DENND1A: variants seen among roughly 807,000 people sequenced by gnomAD.
The protein encoded by DENND1A is DENN domain containing 1A.
In DENND1A, 51 loss-of-function variants were observed where a neutral mutation model predicts 113.7. The observed-to-expected ratio is 0.45, with a 90% confidence interval of 0.36 to 0.57. The LOEUF (loss-of-function observed/expected upper bound fraction) is 0.57, where lower values mean the gene tolerates loss of function less well. Among genes scored for constraint, DENND1A ranks in the 20% least tolerant of loss-of-function variants. The pLI is 0.00. For missense variants in DENND1A, 1,258 were observed against 1,395.9 expected, an observed-to-expected ratio of 0.90 and a Z score of 1.57; for synonymous variants, 565 against 570.8, an observed-to-expected ratio of 0.99 and a Z score of 0.14.
At chr9:123,411,988 G>A (rs1484456568) in intron 19 of DENND1A, among the ~76,000 whole-genome samples, 159 bp from the exon 20 acceptor site, 4 of 152,132 alleles carry the variant, frequency 2.6e-5, no homozygotes, top group Admixed American at 2.0e-4. Flanking sequence ...TTTTGAGGCC[G>A]TCTCCTCTGC....
Position 123,707,170 on chromosome 9 carries a change from G to A in DENND1A, c.303-30381C>T, listed in dbSNP as rs146797261. On this transcript the variant is annotated intron_variant, in intron 5 of 23. Coordinates refer to ENST00000394215, the MANE Select transcript of DENND1A (RefSeq NM_001352964.2). ...AGCACTTTGGGAGGCCAAGGCAGGC[G>A]GATCACCTGATATCAGGAGTTTGAG... 3.0e-3 allele frequency among the ~76,000 whole-genome samples: 461 copies of A among 152,270 alleles called. 2 individuals carry two copies. The highest frequency in any genetic ancestry group is 9.1e-3 in the African/African-American group (377 of 41,550).
chr9:123,443,680 T>C (rs1200613861), intron 18 of DENND1A, among the ~76,000 whole-genome samples: 1 of 152,144 alleles, frequency 6.6e-6, no homozygotes, highest in Non-Finnish European at 1.5e-5. Context: ...AGAGGCTGGG[T>C]GTGGAGGCTC....
intron 4 of DENND1A, among the ~76,000 whole-genome samples, 154 bp from the exon 5 acceptor site, chr9:123,757,976 TA>T (rs557446216): frequency 0.21 from 26,319 of 122,968 alleles, 2,436 homozygotes; most frequent in Admixed American, 0.23. Flanking sequence ...GTAAGCTAGT[TA>T]AAAAAAAAAA....
At chr9:123,498,228 A>C (rs1408642707) in intron 13 of DENND1A, among the ~76,000 whole-genome samples, 1 of 152,258 alleles carries the variant, frequency 6.6e-6, no homozygotes, top group Non-Finnish European at 1.5e-5. Flanking sequence ...TATTATGTGC[A>C]CTTGGTACAG....
intron 1 of DENND1A, among the ~76,000 whole-genome samples, chr9:123,908,668 G>C (rs1853369641): frequency 1.3e-5 from 2 of 151,404 alleles, no homozygotes; most frequent in Admixed American, 1.3e-4. Context: ...ACACCAGTTA[G>C]AATGGCAATC....
intron 2 of DENND1A, among the ~76,000 whole-genome samples, chr9:123,854,577 C>T (rs995691149): frequency 2.6e-5 from 4 of 151,798 alleles, no homozygotes; most frequent in Non-Finnish European, 5.9e-5. Context: ...CACCTGTAGT[C>T]CCAGCTACTC....
At chr9:123,849,697 T>C (rs1843070849) in intron 2 of DENND1A, among the ~76,000 whole-genome samples, 1 of 152,218 alleles carries the variant, frequency 6.6e-6, no homozygotes, top group Non-Finnish European at 1.5e-5. Flanking sequence ...ATTCCTCTGA[T>C]GGGTTTGGGC....
intron 15 of DENND1A, among the ~76,000 whole-genome samples, chr9:123,455,808 C>G (rs2048074839): frequency 6.6e-6 from 1 of 152,218 alleles, no homozygotes. Flanking sequence ...GCCTTTCTTC[C>G]TGGAACTCAC....
intron 3 of DENND1A, among the ~76,000 whole-genome samples, chr9:123,782,251 G>A (rs1831433053): frequency 6.6e-6 from 1 of 152,112 alleles, no homozygotes; most frequent in Non-Finnish European, 1.5e-5. Flanking sequence ...GGTTGGAAGA[G>A]TGCTCTGATA....
intron 3 of DENND1A, among the ~76,000 whole-genome samples, chr9:123,787,444 A>G (rs1257567948): frequency 6.6e-6 from 1 of 152,192 alleles, no homozygotes; most frequent in Non-Finnish European, 1.5e-5. Context: ...AGAACAAGGC[A>G]ATCTTCAACA....
intron 13 of DENND1A, among the ~76,000 whole-genome samples, chr9:123,501,944 T>C (rs1055411186): frequency 6.6e-6 from 1 of 152,192 alleles, no homozygotes; most frequent in Non-Finnish European, 1.5e-5. Flanking sequence ...TCGTGGGACC[T>C]TGTGATAGTG....
At chr9:123,754,562 T>C (rs2070362490) in intron 5 of DENND1A, among the ~76,000 whole-genome samples, 1 of 152,120 alleles carries the variant, frequency 6.6e-6, no homozygotes, top group South Asian at 2.1e-4. Flanking sequence ...GATCATTCTG[T>C]GTATTAGATA....
chr9:123,841,595 A>G lies in DENND1A; in HGVS notation c.88+37356T>C, dbSNP rs548986200. Among the ~76,000 whole-genome samples the G allele has an allele frequency of 3.3e-5, 5 of 152,304 alleles. No individual in the cohort carries two copies. The East Asian group carries it at 5.8e-4, about 18-fold the overall frequency. On this transcript the variant is annotated intron_variant, in intron 2 of 23. Coordinates refer to ENST00000394215, the MANE Select transcript of DENND1A (RefSeq NM_001352964.2). ...ACAAGTAATGTAACTATAAGCTATGATAACTGCCACAAGACTATACAGTGT... is the reference window on the plus strand; with the variant it reads ...ACAAGTAATGTAACTATAAGCTATGGTAACTGCCACAAGACTATACAGTGT...
At position 123,728,479 on chromosome 9, in the gene DENND1A, C is replaced by CAAAAAAAAAAAAAAAAAAA. The variant is rs60761810; in HGVS notation, c.302+29205_302+29223dup. 2.1e-3 allele frequency among the ~76,000 whole-genome samples: 52 copies of CAAAAAAAAAAAAAAAAAAA among 25,200 alleles called. 8 individuals carry two copies. The highest frequency in any genetic ancestry group is 2.6e-3 in the African/African-American group (17 of 6,666). The allele number at this position is 25,200 out of a possible 152,430, so 16.5% of individuals were successfully genotyped here. ...GCAACAATTGCAAAACTCTGTCTCC[C>CAAAAAAAAAAAAAAAAAAA]AAAAAAAAAAAAAAAAAAAAAAAAA... On this transcript the variant is annotated intron_variant, in intron 5 of 23. Transcript: ENST00000394215.
chr9:123,574,260 T>C (rs1028250618), intron 12 of DENND1A, among the ~76,000 whole-genome samples: 2 of 151,296 alleles, frequency 1.3e-5, no homozygotes, highest in Admixed American at 1.3e-4. Flanking sequence ...ATGAGACATC[T>C]TCCTTTTACT....
At chr9:123,509,104 G>A (rs555623264) in intron 13 of DENND1A, among the ~76,000 whole-genome samples, 2 of 152,294 alleles carry the variant, frequency 1.3e-5, no homozygotes, top group Admixed American at 1.3e-4. Flanking sequence ...TAGGGGCACT[G>A]TCTTAAAGGT....
In DENND1A at chr9:123,440,475, C is replaced by A. The variant is rs2046847981; in HGVS notation, c.1373G>T (p.Gly458Val). 2.5e-6 allele frequency: 4 copies of A among 1,571,320 alleles called. No individual in the cohort carries two copies. The highest frequency in any genetic ancestry group is 3.4e-6 in the Non-Finnish European group (4 of 1,166,842). ...CTGCTCTTCTGGGGTGGGGGCGCAG[C>A]CATTCTCGGCAATGTCCTGTAGGGA... is the stretch of plus-strand genomic sequence containing the variant. ...RLKQKDIAEN[G>V]CAPTPEEQLP... Residue 458 changes from glycine to valine, a missense_variant, in exon 19 of 24, where the codon GGC (glycine) becomes GTC (valine). This residue lies in a region of DENND1A where 1,159 missense variants were observed against 1,231.7 expected (regional missense o/e 0.94). Transcript: ENST00000394215.
chr9:123,647,062 G>C (rs903857676), intron 9 of DENND1A, among the ~76,000 whole-genome samples: 3 of 152,120 alleles, frequency 2.0e-5, no homozygotes, highest in African/African-American at 7.2e-5. Flanking sequence ...CCAAATCTCA[G>C]GCAATGTTGA....
At chr9:123,383,531 T>C (rs1367630276) in intron 23 of DENND1A, 124 bp downstream of exon 23, 1 of 1,432,300 alleles carries the variant, frequency 7.0e-7, no homozygotes, top group African/African-American at 1.4e-5. Flanking sequence ...ACCCTGAGCA[T>C]TGGCTGAGGG....
Sources: gnomAD v4.1 joint callset for allele counts (sites outside exome capture counted in the v4.1 genomes callset) on GRCh38, gnomAD v4.1.1 for gene constraint, gnomAD v4.1.1 regional missense constraint, MANE v1.5 for transcripts, NCBI Gene and HGNC (gene_info 2026-07-23, HGNC 2026-07-21) for gene names.